The following CCDC7 variants were observed in gnomAD, a reference collection of about 807,000 sequenced individuals.
CCDC7 encodes the protein coiled-coil domain-containing protein 7.
A neutral mutation model predicts 196.9 loss-of-function variants in CCDC7; 183 were observed. The ratio of observed to expected loss-of-function variants is 0.93; its 90% CI spans 0.82 to 1.05. The LOEUF (loss-of-function observed/expected upper bound fraction) is 1.05, where lower values mean the gene tolerates loss of function less well. Among genes scored for constraint, CCDC7 ranks in the 50% least tolerant of loss-of-function variants. The pLI is 0.00. For missense variants in CCDC7, 1,540 were observed against 1,482.2 expected, an observed-to-expected ratio of 1.04 and a Z score of -0.64; for synonymous variants, 525 against 484.6, an observed-to-expected ratio of 1.08 and a Z score of -1.10.
chr10:32,581,504 G>A lies in CCDC7; in HGVS notation c.1455-1530G>A, dbSNP rs142177800. The stretch of plus-strand genomic sequence containing the variant: ...CCATCTAATCAGTAGGGCTTTGAAA[G>A]TATTTCCACATCTCTTTGACTGGCA... On this transcript the variant is annotated intron_variant, in intron 16 of 41. Transcript: ENST00000639629. Among the ~76,000 whole-genome samples, 356 of 151,784 alleles carry A rather than the reference G, an allele frequency of 2.3e-3. 2 individuals are homozygous for A. Among genetic ancestry groups the A allele is most frequent in the African/African-American group, 8.2e-3 (339 of 41,322 alleles).
intron 29 of CCDC7, among the ~76,000 whole-genome samples, chr10:32,786,289 G>A (rs541874974): frequency 3.6e-4 from 55 of 152,226 alleles, no homozygotes; most frequent in Non-Finnish European, 6.8e-4. Context: ...GGGGAAGGGA[G>A]AAAAGATAAT....
chr10:32,499,595 T>A (rs1246642784), intron 9 of CCDC7, among the ~76,000 whole-genome samples: 1 of 140,890 alleles, frequency 7.1e-6, no homozygotes, highest in Non-Finnish European at 1.6e-5. Context: ...ATCTTTCTTT[T>A]TTATTTTTTT....
chr10:32,752,754 T>C (rs1405179445), intron 28 of CCDC7, among the ~76,000 whole-genome samples: 1 of 152,220 alleles, frequency 6.6e-6, no homozygotes, highest in Non-Finnish European at 1.5e-5. Flanking sequence ...TACATATCTG[T>C]ACCCATAAGA....
intron 21 of CCDC7, among the ~76,000 whole-genome samples, chr10:32,668,665 G>A (rs1005762036): frequency 8.6e-5 from 13 of 152,012 alleles, no homozygotes; most frequent in African/African-American, 2.9e-4. Context: ...TTATATGCTG[G>A]ATTACATTTA....
At chr10:32,733,940 G>A (rs2084411943) in intron 28 of CCDC7, among the ~76,000 whole-genome samples, 1 of 152,146 alleles carries the variant, frequency 6.6e-6, no homozygotes, top group South Asian at 2.1e-4. Context: ...ACATGTTGGT[G>A]AAGTTGTGGA....
chr10:32,519,906 T>C (rs2047624136), intron 11 of CCDC7, among the ~76,000 whole-genome samples: 1 of 152,088 alleles, frequency 6.6e-6, no homozygotes, highest in Non-Finnish European at 1.5e-5. Context: ...ATCCTTCTAT[T>C]CTCTATCTCC....
intron 8 of CCDC7, among the ~76,000 whole-genome samples, chr10:32,479,530 C>T (rs1026654820): frequency 3.9e-5 from 6 of 151,996 alleles, no homozygotes; most frequent in Admixed American, 2.6e-4. Context: ...ATATTTTGAA[C>T]CATCTTTGCA....
At chr10:32,491,846 G>A in intron 8 of CCDC7, 76 bp from the exon 10 acceptor site, 1 of 1,345,988 alleles carries the variant, frequency 7.4e-7, no homozygotes. Context: ...CACATCTATA[G>A]CAGTTATATT....
intron 25 of CCDC7, among the ~76,000 whole-genome samples, chr10:32,712,533 A>G (rs2141935555): frequency 6.6e-6 from 1 of 152,308 alleles, no homozygotes; most frequent in South Asian, 2.1e-4. Context: ...ATGATTTCAT[A>G]AACAGTTCAG....
At position 32,514,463 on chromosome 10, in the gene CCDC7, G is replaced by T. The variant is rs145157740; in HGVS notation, c.873-3482G>T. On this transcript the variant is annotated intron_variant, in intron 9 of 41. Transcript: ENST00000639629. ...CAAAGAATGCCAGGGACTAACAGTG[G>T]CTAGAATAGGCATGGTGGTTTCCTT... 8 of 152,344 alleles carry T rather than the reference G, an allele frequency of 5.3e-5. No individual in the cohort carries two copies. In the East Asian group the frequency reaches 1.5e-3, roughly 29 times the overall value. 9.4% of individuals were successfully genotyped at this position (152,344 alleles called of 1,614,324 possible).
intron 18 of CCDC7, chr10:32,623,911 G>C (rs1590745113): frequency 7.5e-6 from 3 of 400,792 alleles, no homozygotes; most frequent in Middle Eastern, 7.3e-4. Context: ...TTCTTCCCAA[G>C]GGGATGGTGC....
chr10:32,726,271 A>G (rs2083103218), intron 25 of CCDC7, among the ~76,000 whole-genome samples: 1 of 151,910 alleles, frequency 6.6e-6, no homozygotes, highest in African/African-American at 2.4e-5. Context: ...ATAGAATTAT[A>G]TATAGTGATA....
chr10:32,814,603 CT>C (rs2087965479), intron 31 of CCDC7, 150 bp downstream of exon 32: 1 of 553,026 alleles, frequency 1.8e-6, no homozygotes, highest in Non-Finnish European at 3.2e-6. Context: ...TATTTCAACT[CT>C]AGTTTCAACT....
chr10:32,449,289 C>T (rs143782028), upstream of CCDC7, among the ~76,000 whole-genome samples: 1,311 of 152,152 alleles, frequency 8.6e-3, 28 homozygotes, highest in African/African-American at 0.029. Context: ...CGAGTTCAAG[C>T]GATTCTCCTG....
At chr10:32,739,848 C>T (rs1450879596) in intron 28 of CCDC7, among the ~76,000 whole-genome samples, 1 of 140,098 alleles carries the variant, frequency 7.1e-6, no homozygotes. Context: ...AAAATATTGT[C>T]ATTATTTTTG....
intron 20 of CCDC7, among the ~76,000 whole-genome samples, chr10:32,640,338 T>A (rs1014223480): frequency 4.0e-5 from 6 of 150,820 alleles, no homozygotes; most frequent in Admixed American, 1.3e-4. Context: ...TTTAAAGTAC[T>A]TTTTTTGTTT....
intron 18 of CCDC7, among the ~76,000 whole-genome samples, chr10:32,597,788 C>T (rs1230374234): frequency 5.9e-5 from 9 of 152,190 alleles, no homozygotes; most frequent in African/African-American, 1.7e-4. Flanking sequence ...TGGCGGTCCA[C>T]GCCAGACCCT....
At position 32,542,856 on chromosome 10, in the gene CCDC7, T is replaced by G. The variant is rs2051728303; in HGVS notation, c.994-444T>G. ...ATAAAAGTCTATATTTCTCATGGTA[T>G]TTATGTATTCTTAATGACTGTGTAC... On this transcript the variant is annotated intron_variant, in intron 11 of 41. Coordinates refer to ENST00000639629, the Ensembl canonical transcript of CCDC7. Among the ~76,000 whole-genome samples the G allele has an allele frequency of 3.3e-5, 5 of 152,282 alleles. No individual in the cohort carries two copies. In the South Asian group the frequency reaches 1.0e-3, roughly 32 times the overall value.
In CCDC7 at chr10:32,851,944, T is replaced by C. The variant is rs750391370; in HGVS notation, c.4021+12T>C. ...TCAACTCCCTTCAGGTAATTTTTAA[T>C]ATTTTTAGTGTACAGTGTGATTTTT... On this transcript the variant is annotated intron_variant, in intron 40 of 41. Transcript: ENST00000639629. The C allele has an allele frequency of 1.3e-6, 2 of 1,583,634 alleles. No homozygotes were observed. Among genetic ancestry groups the C allele is most frequent in the East Asian group, 4.5e-5 (2 of 44,390 alleles).
Sources: allele counts gnomAD v4.1 joint callset (sites outside exome capture counted in the v4.1 genomes callset), GRCh38; gene constraint gnomAD v4.1.1; transcripts MANE v1.5; gene names NCBI Gene and HGNC (gene_info 2026-07-23, HGNC 2026-07-21).